TAFA5: variants seen among roughly 807,000 people sequenced by gnomAD.
TAFA5 encodes chemokine-like protein TAFA-5.
TAFA5 carries 6 observed loss-of-function variants against 15.3 expected under a neutral mutation model. That is an observed-to-expected ratio of 0.39 (90% confidence interval 0.21 to 0.77). TAFA5 has a LOEUF of 0.77. Ranked by LOEUF, TAFA5 falls within the 30% of genes least tolerant of loss-of-function variation. TAFA5 has a pLI of 0.41. For missense variants in TAFA5, 161 were observed against 193.1 expected, an observed-to-expected ratio of 0.83 and a Z score of 0.98; for synonymous variants, 103 against 80.7, an observed-to-expected ratio of 1.28 and a Z score of -1.48.
chr22:48,520,933 T>TGAGGGGCAG (rs1921580423), intron 1 of TAFA5, among the ~76,000 whole-genome samples: 1 of 151,928 alleles, frequency 6.6e-6, no homozygotes, highest in African/African-American at 2.4e-5. Flanking sequence ...TCCAGGCAGG[T>TGAGGGGCAG]GAGGACCTGT....
At chr22:48,657,048 G>T (rs1055138321) in intron 2 of TAFA5, among the ~76,000 whole-genome samples, 1 of 152,076 alleles carries the variant, frequency 6.6e-6, no homozygotes, top group Non-Finnish European at 1.5e-5. Flanking sequence ...TGGGATTACA[G>T]GTGTGAGCCA....
intron 1 of TAFA5, among the ~76,000 whole-genome samples, chr22:48,522,190 C>T (rs568844264): frequency 6.6e-6 from 1 of 152,182 alleles, no homozygotes; most frequent in Non-Finnish European, 1.5e-5. Flanking sequence ...CTGTCCAAGA[C>T]TGGAACCTCC....
intron 2 of TAFA5, among the ~76,000 whole-genome samples, chr22:48,704,628 CCCTATCCCCACGTG>C (rs1389091656): frequency 6.6e-6 from 1 of 151,776 alleles, no homozygotes; most frequent in African/African-American, 2.4e-5. Flanking sequence ...CCGGGGGGTT[CCCTATCCCCACGTG>C]CCATGTTAGT....
rs1930023881 is a variant in TAFA5, at chr22:48,736,355, T to C, written c.391-13484T>C. On this transcript the variant is annotated intron_variant, in intron 3 of 3. Coordinates refer to ENST00000402357, the MANE Select transcript of TAFA5 (RefSeq NM_001082967.3). ...TCCATCCCCCCAGGAGGAATGAGAA[T>C]CGCACTCCTAGAGTCCATCCCCCCA... 2.3e-4 allele frequency among the ~76,000 whole-genome samples: 5 copies of C among 22,086 alleles called. 2 individuals are homozygous for C. The highest frequency in any genetic ancestry group is 4.4e-4 in the Non-Finnish European group (5 of 11,430). The allele number at this position is 22,086 out of a possible 152,430, so 14.5% of individuals were successfully genotyped here.
At chr22:48,554,589 G>T (rs1922965188) in intron 1 of TAFA5, among the ~76,000 whole-genome samples, 1 of 152,184 alleles carries the variant, frequency 6.6e-6, no homozygotes, top group Non-Finnish European at 1.5e-5. Context: ...GATTGCTGAG[G>T]TTCAGCGGAG....
intron 2 of TAFA5, among the ~76,000 whole-genome samples, chr22:48,655,318 A>C (rs1283944360): frequency 6.6e-6 from 1 of 152,214 alleles, no homozygotes; most frequent in Non-Finnish European, 1.5e-5. Flanking sequence ...TAAGTCCTTA[A>C]GTACTTGGAT....
At chr22:48,731,814 C>G (rs1458658256) in intron 3 of TAFA5, among the ~76,000 whole-genome samples, 2 of 152,232 alleles carry the variant, frequency 1.3e-5, no homozygotes, top group African/African-American at 4.8e-5. Context: ...GCTGCTAACA[C>G]AACATCCATT....
At chr22:48,714,639 G>A (rs983957786) in intron 3 of TAFA5, among the ~76,000 whole-genome samples, 4 of 152,214 alleles carry the variant, frequency 2.6e-5, no homozygotes, top group South Asian at 2.1e-4. Flanking sequence ...GAAAATCGAC[G>A]TTCTGAGGTG....
In TAFA5 at chr22:48,682,814, G is replaced by C. The variant is rs144728597; in HGVS notation, c.263-24903G>C. Among the ~76,000 whole-genome samples the C allele has an allele frequency of 3.5e-3, 525 of 152,074 alleles. 3 individuals carry two copies. Among genetic ancestry groups the C allele is most frequent in the African/African-American group, 0.012 (489 of 41,486 alleles). ...TGCTTTCGTCGGTTTTTTTTTGTGC[G>C]TGTGTTTATTTCTAAAGCCAGGCTC... On this transcript the variant is annotated intron_variant, in intron 2 of 3. Transcript: ENST00000402357.
At chr22:48,693,421 C>T (rs1601677242) in intron 2 of TAFA5, 5 of 1,611,234 alleles carry the variant, frequency 3.1e-6, no homozygotes, top group Non-Finnish European at 4.2e-6. Context: ...GCAGCCCGTG[C>T]AGGCAGTAAA....
At chr22:48,748,749 C>T (rs767616031) in intron 3 of TAFA5, among the ~76,000 whole-genome samples, 1 of 152,254 alleles carries the variant, frequency 6.6e-6, no homozygotes, top group East Asian at 1.9e-4. Context: ...CTGGCCCTGA[C>T]GGAACCTGGG....
chr22:48,695,162 C>T (rs1348958679), intron 2 of TAFA5, among the ~76,000 whole-genome samples: 1 of 151,888 alleles, frequency 6.6e-6, no homozygotes, highest in Non-Finnish European at 1.5e-5. Flanking sequence ...TGTATGTGTG[C>T]ACATTGTGTG....
rs116220250 is a variant in TAFA5, at chr22:48,673,127, G to A, written c.262+26381G>A. Among the ~76,000 whole-genome samples, 723 of 152,262 alleles carry A rather than the reference G, an allele frequency of 4.7e-3. 7 individuals carry two copies. Among genetic ancestry groups the A allele is most frequent in the African/African-American group, 0.017 (688 of 41,546 alleles). On this transcript the variant is annotated intron_variant, in intron 2 of 3. Transcript: ENST00000402357. ...GGGCACTGTGCTCTAGAAGATATCGGTCTCGTTGTTCAAGTTCTGAGGAAG... is the reference window on the plus strand; with the variant it reads ...GGGCACTGTGCTCTAGAAGATATCGATCTCGTTGTTCAAGTTCTGAGGAAG...
intron 1 of TAFA5, among the ~76,000 whole-genome samples, chr22:48,521,694 G>T (rs563278417): frequency 6.6e-6 from 1 of 152,174 alleles, no homozygotes; most frequent in South Asian, 2.1e-4. Context: ...GACCCGATCC[G>T]TTAGGTGTAA....
intron 1 of TAFA5, among the ~76,000 whole-genome samples, chr22:48,632,311 T>C (rs1165318496): frequency 1.3e-5 from 2 of 151,770 alleles, no homozygotes; most frequent in Non-Finnish European, 2.9e-5. Context: ...TCCCGCGGGG[T>C]GATTTTACAC....
chr22:48,651,581 G>A (rs1927055608), intron 2 of TAFA5, among the ~76,000 whole-genome samples: 1 of 152,228 alleles, frequency 6.6e-6, no homozygotes, highest in Non-Finnish European at 1.5e-5. Flanking sequence ...GTGGTTGGGA[G>A]TTTGAGGCAG....
chr22:48,653,324 A>G (rs542666239), intron 2 of TAFA5, among the ~76,000 whole-genome samples: 7 of 152,290 alleles, frequency 4.6e-5, no homozygotes, highest in African/African-American at 1.7e-4. Context: ...GATGGTGGGA[A>G]GAGACCCTGC....
At chr22:48,729,774 A>G (rs1929818061) in intron 3 of TAFA5, among the ~76,000 whole-genome samples, 2 of 147,886 alleles carry the variant, frequency 1.4e-5, no homozygotes, top group African/African-American at 4.9e-5. Flanking sequence ...AAATTTAAAT[A>G]TAAATATATA....
In TAFA5 at chr22:48,552,184, C is replaced by T. The variant is rs1432826440; in HGVS notation, c.112+62480C>T. Among the ~76,000 whole-genome samples, 3 of 152,178 alleles carry T rather than the reference C, an allele frequency of 2.0e-5. No homozygotes were observed. The highest frequency in any genetic ancestry group is 2.0e-4 in the Admixed American group (3 of 15,286). On this transcript the variant is annotated intron_variant, in intron 1 of 3. Coordinates refer to ENST00000402357, the MANE Select transcript of TAFA5 (RefSeq NM_001082967.3). This position sits in a 1 kb window ranked among gnomAD's most constrained non-coding sequence, Gnocchi z 4.1. ...CCTCCCAAGGAGTCACCAGTCACAG[C>T]GGACCTCACATGGCTCTTCTGCTGT... is the stretch of plus-strand genomic sequence containing the variant.
Sources: gnomAD v4.1 joint callset for allele counts (sites outside exome capture counted in the v4.1 genomes callset) on GRCh38, gnomAD v4.1.1 for gene constraint, Gnocchi (gnomAD v3.1) non-coding constraint, MANE v1.5 for transcripts, NCBI Gene and HGNC (gene_info 2026-07-23, HGNC 2026-07-21) for gene names.